Variants in NLGN1 observed in about 807,000 individuals in gnomAD.
NLGN1 encodes neuroligin 1, also known as neuroligin-1.
Under a neutral mutation model 65.5 loss-of-function variants are expected in NLGN1, and 12 were observed. The ratio of observed to expected loss-of-function variants is 0.18; its 90% confidence interval spans 0.12 to 0.30. The LOEUF is 0.30. NLGN1 is among the 10% of genes least tolerant of loss of function. The pLI is 1.00. For missense variants in NLGN1, 750 were observed against 1,007.1 expected (o/e 0.74, Z 3.46); for synonymous variants, 350 against 359.5 (o/e 0.97, Z 0.30).
chr3:173,868,890 C>T (rs1560526377), intron 4 of NLGN1, among the ~76,000 whole-genome samples: 1 of 151,810 alleles, frequency 6.6e-6, no homozygotes, highest in Non-Finnish European at 1.5e-5. Flanking sequence ...GAGAGAGCAA[C>T]AGAGAGAGAG....
At chr3:173,963,679 G>A (rs139825202) in intron 4 of NLGN1, among the ~76,000 whole-genome samples, 155 of 152,252 alleles carry the variant, frequency 1.0e-3, no homozygotes, top group Non-Finnish European at 1.5e-3. Flanking sequence ...AGGACAGGAT[G>A]TTATCATCAA....
intron 2 of NLGN1, among the ~76,000 whole-genome samples, chr3:173,529,966 C>CTTTTTTTTTTTTT (rs930436367): frequency 0.043 from 6,327 of 145,468 alleles, 479 homozygotes; most frequent in African/African-American, 0.16. Context: ...CTTTCTTTTC[C>CTTTTTTTTTTTTT]TTTTTTTTTT....
At chr3:173,973,000 T>G (rs1716615610) in intron 4 of NLGN1, among the ~76,000 whole-genome samples, 1 of 152,120 alleles carries the variant, frequency 6.6e-6, no homozygotes, top group Admixed American at 6.6e-5. Context: ...GTTCTGTGTT[T>G]AAATCACAGC....
At chr3:173,517,764 A>G (rs150043687) in intron 2 of NLGN1, among the ~76,000 whole-genome samples, 84 of 149,128 alleles carry the variant, frequency 5.6e-4, no homozygotes, top group African/African-American at 2.0e-3. Flanking sequence ...CTATCTATCT[A>G]TCTATCTATC....
chr3:173,405,193 A>T (rs1422230507), intron 1 of NLGN1, among the ~76,000 whole-genome samples: 1 of 152,022 alleles, frequency 6.6e-6, no homozygotes, highest in Non-Finnish European at 1.5e-5. Flanking sequence ...TTGTCTCCAG[A>T]ATTTAATTCC....
chr3:173,578,515 C>T (rs1424923156), intron 2 of NLGN1, among the ~76,000 whole-genome samples: 2 of 152,138 alleles, frequency 1.3e-5, no homozygotes, highest in African/African-American at 4.8e-5. Flanking sequence ...AACTATAGAA[C>T]ATTAATTTTC....
intron 4 of NLGN1, among the ~76,000 whole-genome samples, chr3:173,926,944 T>C (rs1362368636): frequency 6.6e-6 from 1 of 152,158 alleles, no homozygotes; most frequent in Non-Finnish European, 1.5e-5. Context: ...GCCAATTGAG[T>C]CTTTCTTACC....
chr3:173,837,631 T>A (rs976473102), intron 4 of NLGN1, among the ~76,000 whole-genome samples: 1 of 152,182 alleles, frequency 6.6e-6, no homozygotes, highest in African/African-American at 2.4e-5. Flanking sequence ...AGCATTCCAA[T>A]CCTAATTCCA....
rs148562531 is a variant in NLGN1, at chr3:174,114,095, T to C, written c.647-161220T>C. Among the ~76,000 whole-genome samples, 7 of 152,284 alleles carry C rather than the reference T, an allele frequency of 4.6e-5. No individual in the cohort carries two copies. The East Asian group carries it at 1.4e-3, about 29-fold the overall frequency. On this transcript the variant is annotated intron_variant, in intron 4 of 6. Coordinates refer to ENST00000457714, the Ensembl canonical transcript of NLGN1. ...AAAAATTAGCTAGGAATGTCCAACA[T>C]ATGTTAAATAGAACTCCTCTTGTGT...
At chr3:173,913,474 T>C (rs1448309684) in intron 4 of NLGN1, among the ~76,000 whole-genome samples, 5 of 152,130 alleles carry the variant, frequency 3.3e-5, no homozygotes, top group Non-Finnish European at 7.4e-5. Flanking sequence ...TAAGTGGCAG[T>C]TGAGCAGTTC....
intron 4 of NLGN1, among the ~76,000 whole-genome samples, chr3:173,922,349 G>A (rs1189989618): frequency 2.6e-5 from 4 of 152,044 alleles, no homozygotes; most frequent in South Asian, 2.1e-4. Flanking sequence ...ACAGTATACC[G>A]GTAGCTGCAT....
chr3:173,547,537 T>C (rs907932074), intron 2 of NLGN1, among the ~76,000 whole-genome samples: 2 of 152,182 alleles, frequency 1.3e-5, no homozygotes, highest in South Asian at 2.1e-4. Context: ...TCCAATATTA[T>C]ATCCAGATAT....
intron 3 of NLGN1, among the ~76,000 whole-genome samples, chr3:173,643,970 A>C (rs1471373895): frequency 6.6e-6 from 1 of 152,184 alleles, no homozygotes; most frequent in African/African-American, 2.4e-5. Context: ...GCACACATGG[A>C]AGCTGCCAGT....
At chr3:174,159,762 G>A (rs745974177) in intron 4 of NLGN1, among the ~76,000 whole-genome samples, 10 of 151,688 alleles carry the variant, frequency 6.6e-5, no homozygotes, top group Non-Finnish European at 8.9e-5. Flanking sequence ...GTTATCACCT[G>A]CTATCCCTAA....
intron 3 of NLGN1, among the ~76,000 whole-genome samples, chr3:173,797,341 A>G (rs1371227032): frequency 6.6e-6 from 1 of 152,128 alleles, no homozygotes; most frequent in Admixed American, 6.6e-5. Context: ...TATGTAAAAA[A>G]TTCTTGATGT....
chr3:174,006,243 G>A (rs1476270833), intron 4 of NLGN1, among the ~76,000 whole-genome samples: 1 of 152,140 alleles, frequency 6.6e-6, no homozygotes, highest in Non-Finnish European at 1.5e-5. Flanking sequence ...CTATTTTCCA[G>A]ACTTCTATTT....
At chr3:174,006,008 C>G (rs1724300005) in intron 4 of NLGN1, among the ~76,000 whole-genome samples, 1 of 151,966 alleles carries the variant, frequency 6.6e-6, no homozygotes, top group Non-Finnish European at 1.5e-5. Context: ...GTCAAACTGC[C>G]CTCTCCTGCC....
At chr3:173,814,080 G>T (rs1055062437) in intron 4 of NLGN1, among the ~76,000 whole-genome samples, 4 of 152,246 alleles carry the variant, frequency 2.6e-5, no homozygotes, top group African/African-American at 9.6e-5. Flanking sequence ...CTTCCCAGCA[G>T]CCCCTGAGCT....
intron 4 of NLGN1, among the ~76,000 whole-genome samples, chr3:174,087,176 C>T (rs1561010439): frequency 1.3e-5 from 2 of 152,028 alleles, no homozygotes; most frequent in East Asian, 1.9e-4. Context: ...GGGTACTAGG[C>T]GTCGTACCTG....
Sources: allele counts gnomAD v4.1 joint callset (sites outside exome capture counted in the v4.1 genomes callset), GRCh38; gene constraint gnomAD v4.1.1; transcripts MANE v1.5; gene names NCBI Gene and HGNC (gene_info 2026-07-23, HGNC 2026-07-21).